Variants in SLC35F4 observed in about 807,000 individuals in gnomAD.
SLC35F4 encodes solute carrier family 35 member F4, also known as chromosome 14 open reading frame 36.
In SLC35F4, 24 loss-of-function variants were observed where a neutral mutation model predicts 44.2. That is an observed-to-expected ratio of 0.54 (90% confidence interval 0.39 to 0.76). SLC35F4 has a LOEUF of 0.76. SLC35F4 is among the 30% of genes least tolerant of loss of function. The pLI is 0.00. For missense variants in SLC35F4, 562 were observed against 586.1 expected (o/e 0.96, Z 0.42); for synonymous variants, 238 against 223.6 (o/e 1.06, Z -0.57).
At chr14:57,570,990 A>T (rs537888998) in intron 5 of SLC35F4, among the ~76,000 whole-genome samples, 2 of 152,220 alleles carry the variant, frequency 1.3e-5, no homozygotes, top group Non-Finnish European at 2.9e-5. Context: ...CTTGTCACAC[A>T]GAATCAATGG....
At chr14:57,654,337 G>A (rs186703115) in intron 1 of SLC35F4, among the ~76,000 whole-genome samples, 2 of 152,198 alleles carry the variant, frequency 1.3e-5, no homozygotes, top group African/African-American at 4.8e-5. Context: ...GTGAGAATAT[G>A]CAATATTTGG....
At position 57,795,392 on chromosome 14, in the gene SLC35F4, C is replaced by A. The variant is rs72713046; in HGVS notation, c.103+70331G>T. On this transcript the variant is annotated intron_variant, in intron 1 of 7. Transcript: ENST00000556826. ...TATTTAGGAACCATTCACTAAGAAC[C>A]TAATGTGCATAAGGAAGGAAAAATA... is the stretch of plus-strand genomic sequence containing the variant. Among the ~76,000 whole-genome samples, 847 of 152,260 alleles carry A rather than the reference C, an allele frequency of 5.6e-3. 8 individuals are homozygous for A. Among genetic ancestry groups the A allele is most frequent in the Non-Finnish European group, 9.7e-3 (662 of 68,002 alleles).
chr14:57,923,419 G>A (rs1889481303), intron 1 of SLC35F4, among the ~76,000 whole-genome samples: 1 of 152,212 alleles, frequency 6.6e-6, no homozygotes, highest in East Asian at 1.9e-4. Context: ...AACTGATCCT[G>A]GCTGGTCACT....
chr14:57,917,109 G>A (rs527640962), intron 1 of SLC35F4, among the ~76,000 whole-genome samples: 11 of 152,194 alleles, frequency 7.2e-5, no homozygotes, highest in African/African-American at 2.6e-4. Flanking sequence ...CTCCCACGCT[G>A]GAGTGCAATG....
intron 1 of SLC35F4, among the ~76,000 whole-genome samples, chr14:57,816,232 G>A (rs778850958): frequency 3.9e-5 from 6 of 152,100 alleles, no homozygotes; most frequent in Admixed American, 6.6e-5. Context: ...ATAACACAAC[G>A]TAATGTCTTT....
intron 1 of SLC35F4, among the ~76,000 whole-genome samples, chr14:57,961,691 G>C: frequency 6.6e-6 from 1 of 152,154 alleles, no homozygotes; most frequent in East Asian, 1.9e-4. Context: ...TCTTGCCCAT[G>C]ACTTTATGTC....
intron 1 of SLC35F4, among the ~76,000 whole-genome samples, chr14:57,767,173 G>C (rs1479549796): frequency 6.6e-6 from 1 of 152,168 alleles, no homozygotes; most frequent in African/African-American, 2.4e-5. Flanking sequence ...CTAACTGATA[G>C]AAGTACTAGA....
At chr14:57,844,670 A>G (rs1885831606) in intron 1 of SLC35F4, among the ~76,000 whole-genome samples, 2 of 152,214 alleles carry the variant, frequency 1.3e-5, no homozygotes, top group Admixed American at 1.3e-4. Context: ...CAGGAAATAG[A>G]GAATTCTTCT....
chr14:57,780,735 G>C (rs182774856), intron 1 of SLC35F4, among the ~76,000 whole-genome samples: 186 of 152,084 alleles, frequency 1.2e-3, no homozygotes, highest in Non-Finnish European at 2.1e-3. Context: ...TATAAAAACA[G>C]ACACATATAA....
intron 1 of SLC35F4, among the ~76,000 whole-genome samples, chr14:57,872,673 G>T (rs78266937): frequency 0.068 from 10,326 of 152,216 alleles, 430 homozygotes; most frequent in Middle Eastern, 0.14. Flanking sequence ...GCAAACCTGT[G>T]ACAATGGGAA....
chr14:57,588,887 A>G (rs1163670659), intron 3 of SLC35F4, among the ~76,000 whole-genome samples: 2 of 152,234 alleles, frequency 1.3e-5, no homozygotes, highest in Admixed American at 1.3e-4. Context: ...TCTATTATTT[A>G]TAAGTGTATA....
chr14:57,979,810 A>T (rs2141100370), intron 1 of SLC35F4, among the ~76,000 whole-genome samples: 1 of 151,698 alleles, frequency 6.6e-6, no homozygotes, highest in Non-Finnish European at 1.5e-5. Context: ...GAGTTGCTGG[A>T]GTCAGCTGAC....
chr14:57,744,084 A>G (rs905068478), intron 1 of SLC35F4, among the ~76,000 whole-genome samples: 4 of 152,216 alleles, frequency 2.6e-5, no homozygotes, highest in African/African-American at 9.6e-5. Flanking sequence ...TCTCAAAATA[A>G]TAAGAGCTAT....
chr14:57,826,942 C>T (rs2094034800), intron 1 of SLC35F4, among the ~76,000 whole-genome samples: 1 of 152,128 alleles, frequency 6.6e-6, no homozygotes, highest in African/African-American at 2.4e-5. Context: ...TTGAGGAAGA[C>T]AGTGTGGTAA....
At chr14:57,956,993 A>T (rs1237738353) in intron 1 of SLC35F4, among the ~76,000 whole-genome samples, 5 of 152,230 alleles carry the variant, frequency 3.3e-5, no homozygotes, top group Admixed American at 3.3e-4. Context: ...ATGCACATGT[A>T]TGATTATTGC....
intron 1 of SLC35F4, among the ~76,000 whole-genome samples, chr14:57,979,029 T>C (rs1437894406): frequency 1.3e-5 from 2 of 152,208 alleles, no homozygotes; most frequent in East Asian, 1.9e-4. Flanking sequence ...TTAACTGTCA[T>C]ATTGTGAACA....
At chr14:57,714,654 C>G (rs1439078322) in intron 1 of SLC35F4, among the ~76,000 whole-genome samples, 1 of 152,092 alleles carries the variant, frequency 6.6e-6, no homozygotes, top group South Asian at 2.1e-4. Flanking sequence ...GAAAGTCTTG[C>G]TAGGCCCTGA....
intron 1 of SLC35F4, among the ~76,000 whole-genome samples, chr14:57,980,702 A>G (rs1881354031): frequency 6.6e-6 from 1 of 152,130 alleles, no homozygotes; most frequent in Non-Finnish European, 1.5e-5. Flanking sequence ...TGTATCCCTA[A>G]AGCTGCACTG....
chr14:57,638,200 A>G (rs985262568), intron 1 of SLC35F4, among the ~76,000 whole-genome samples: 11 of 152,108 alleles, frequency 7.2e-5, no homozygotes, highest in African/African-American at 2.7e-4. Context: ...TTCCACAAGC[A>G]ATAGCTACAG....
Sources: gnomAD v4.1 joint callset for allele counts (sites outside exome capture counted in the v4.1 genomes callset) on GRCh38, gnomAD v4.1.1 for gene constraint, MANE v1.5 for transcripts, NCBI Gene and HGNC (gene_info 2026-07-23, HGNC 2026-07-21) for gene names.